The following MAGI2 variants were observed in gnomAD, a reference collection of about 807,000 sequenced individuals.
The protein encoded by MAGI2 is membrane associated guanylate kinase, WW and PDZ domain containing 2, also known as membrane-associated guanylate kinase, WW and PDZ domain-containing protein 2.
In MAGI2, 35 loss-of-function variants were observed where a neutral mutation model predicts 133.3. That is an observed-to-expected ratio of 0.26 (90% CI 0.20 to 0.35). The LOEUF is 0.35. MAGI2 is among the 10% of genes least tolerant of loss of function. The pLI is 1.00. For synonymous variants in MAGI2, 729 were observed against 710.6 expected, an observed-to-expected ratio of 1.03 and a Z score of -0.41; for missense variants, 1,636 against 1,863.4, an observed-to-expected ratio of 0.88 and a Z score of 2.25.
intron 2 of MAGI2, among the ~76,000 whole-genome samples, chr7:79,005,562 C>T (rs1807351693): frequency 1.3e-5 from 2 of 152,146 alleles, no homozygotes; most frequent in Non-Finnish European, 2.9e-5. Flanking sequence ...TTTATGTCAT[C>T]GCCTTAGCAA....
chr7:78,211,606 A>G (rs1372243364), intron 10 of MAGI2, among the ~76,000 whole-genome samples: 1 of 152,226 alleles, frequency 6.6e-6, no homozygotes, highest in Admixed American at 6.5e-5. Context: ...GGAACAAAGT[A>G]AAGATAATAA....
chr7:78,622,861 A>G (rs1316419040), intron 3 of MAGI2, among the ~76,000 whole-genome samples: 2 of 151,990 alleles, frequency 1.3e-5, no homozygotes, highest in African/African-American at 4.8e-5. Flanking sequence ...TATTGATACA[A>G]TTGTCAAAGT....
intron 1 of MAGI2, among the ~76,000 whole-genome samples, chr7:79,246,893 C>G (rs187169408): frequency 6.6e-6 from 1 of 152,170 alleles, no homozygotes; most frequent in Admixed American, 6.5e-5. Flanking sequence ...AGAAGGAATC[C>G]TAAAGGCAGC....
intron 9 of MAGI2, among the ~76,000 whole-genome samples, chr7:78,282,977 G>C (rs1279664130): frequency 6.6e-6 from 1 of 152,040 alleles, no homozygotes; most frequent in South Asian, 2.1e-4. Flanking sequence ...AGTTTAGGCT[G>C]AACTCAAGAA....
At chr7:78,177,417 C>T (rs13224735) in intron 14 of MAGI2, among the ~76,000 whole-genome samples, 23,847 of 104,958 alleles carry the variant, frequency 0.23, 2,017 homozygotes, top group Middle Eastern at 0.38. Context: ...TGTGAATACG[C>T]GCACACACAC....
rs1007456276 is a variant in MAGI2, at chr7:79,188,672, C to T, written c.302-181466G>A. On this transcript the variant is annotated intron_variant, in intron 1 of 21. Transcript: ENST00000354212. ...TGAGGTCACTTTCAAAGCTAAAAAG[C>T]GCTAATATTGTATGTAGTTGGAATT... Among the ~76,000 whole-genome samples the T allele has an allele frequency of 4.6e-5, 7 of 151,736 alleles. No individual in the cohort carries two copies. In the South Asian group the frequency reaches 6.2e-4, roughly 14 times the overall value.
intron 2 of MAGI2, among the ~76,000 whole-genome samples, chr7:78,688,575 G>A (rs937362790): frequency 6.6e-6 from 1 of 152,130 alleles, no homozygotes; most frequent in Non-Finnish European, 1.5e-5. Flanking sequence ...TCTACTGAAA[G>A]GATCATTTAA....
intron 14 of MAGI2, among the ~76,000 whole-genome samples, chr7:78,175,096 C>G (rs1826465104): frequency 6.6e-6 from 1 of 152,186 alleles, no homozygotes; most frequent in Non-Finnish European, 1.5e-5. Context: ...ACAGCACTTT[C>G]TTGAGTTCTG....
At chr7:78,621,892 A>G (rs1405285304) in intron 3 of MAGI2, among the ~76,000 whole-genome samples, 2 of 152,052 alleles carry the variant, frequency 1.3e-5, no homozygotes, top group African/African-American at 4.8e-5. Context: ...GCACACATAT[A>G]AAAATAAAAG....
At chr7:78,309,119 G>A (rs981075954) in intron 9 of MAGI2, among the ~76,000 whole-genome samples, 4 of 152,172 alleles carry the variant, frequency 2.6e-5, no homozygotes, top group African/African-American at 9.7e-5. Context: ...TACCATGGAA[G>A]GCATTTTGGA....
intron 2 of MAGI2, among the ~76,000 whole-genome samples, chr7:78,891,200 G>C (rs137965566): frequency 0.015 from 2,225 of 152,196 alleles, 47 homozygotes; most frequent in African/African-American, 0.051. Flanking sequence ...TTTCTGAATA[G>C]ACCAATAACA....
At chr7:79,217,530 G>C (rs947001868) in intron 1 of MAGI2, among the ~76,000 whole-genome samples, 1 of 151,960 alleles carries the variant, frequency 6.6e-6, no homozygotes, top group Non-Finnish European at 1.5e-5. Flanking sequence ...TTTTACTGAT[G>C]AAGAAACAGG....
At chr7:78,339,934 A>C (rs1193172887) in intron 9 of MAGI2, among the ~76,000 whole-genome samples, 1 of 152,198 alleles carries the variant, frequency 6.6e-6, no homozygotes, top group African/African-American at 2.4e-5. Flanking sequence ...GCACCATAAA[A>C]AGTTATTTAT....
intron 2 of MAGI2, among the ~76,000 whole-genome samples, chr7:78,822,768 A>C (rs1790238634): frequency 6.6e-6 from 1 of 152,208 alleles, no homozygotes; most frequent in Admixed American, 6.5e-5. Context: ...AGCTATTAAA[A>C]TCAGAGATCT....
At chr7:78,846,859 T>C (rs1433211951) in intron 2 of MAGI2, among the ~76,000 whole-genome samples, 1 of 151,920 alleles carries the variant, frequency 6.6e-6, no homozygotes, top group Admixed American at 6.6e-5. Flanking sequence ...TCCAGGTGCA[T>C]ATATTAAAAG....
intron 9 of MAGI2, among the ~76,000 whole-genome samples, chr7:78,268,085 G>A (rs1441537962): frequency 2.0e-5 from 3 of 151,852 alleles, no homozygotes; most frequent in African/African-American, 7.3e-5. Context: ...GTTCACTTCT[G>A]TGTTATACTT....
chr7:78,450,787 C>G (rs540433350), intron 6 of MAGI2, among the ~76,000 whole-genome samples: 9 of 152,162 alleles, frequency 5.9e-5, no homozygotes, highest in African/African-American at 2.2e-4. Flanking sequence ...CTAAGGTCAT[C>G]CCAACTCTTC....
rs779295207 is a variant in MAGI2 at position 78,019,719 on chromosome 7, T to C, written c.3964A>G (p.Arg1322Gly). 2 of 1,602,294 alleles carry C rather than the reference T, an allele frequency of 1.2e-6. No homozygotes were observed. Among genetic ancestry groups the C allele is most frequent in the African/African-American group, 1.3e-5 (1 of 74,444 alleles). Residue 1322 changes from arginine to glycine, a missense_variant, in exon 22 of 22, where the codon AGG (arginine) becomes GGG (glycine). Around this residue, in one of 5 missense-constraint regions of MAGI2, gnomAD observed 354 missense variants for 298.7 expected, o/e 1.19. Coordinates refer to ENST00000354212, the MANE Select transcript of MAGI2 (RefSeq NM_012301.4). ...EQRERSASPQ[R>G]AARPRLEEAP... Reference sequence around the variant, plus strand: ...TCCTCGAGCCTCGGCCGCGCGGCCCTCTGCGGACTCGCCGAGCGCTCCCTC... The same window carrying C: ...TCCTCGAGCCTCGGCCGCGCGGCCCCCTGCGGACTCGCCGAGCGCTCCCTC...
intron 2 of MAGI2, among the ~76,000 whole-genome samples, chr7:78,724,669 T>C (rs756618282): frequency 5.3e-5 from 8 of 152,214 alleles, no homozygotes; most frequent in Non-Finnish European, 1.0e-4. Flanking sequence ...GCCAGGAGAT[T>C]ACTCTGAAAT....
Sources: allele counts gnomAD v4.1 joint callset (sites outside exome capture counted in the v4.1 genomes callset), GRCh38; gene constraint gnomAD v4.1.1; regional missense constraint gnomAD v4.1.1; transcripts MANE v1.5; gene names NCBI Gene and HGNC (gene_info 2026-07-23, HGNC 2026-07-21).